STON2: variants seen among roughly 807,000 people sequenced by gnomAD.
STON2 encodes stonin 2.
A neutral mutation model predicts 65.7 loss-of-function variants in STON2; 29 were observed. That is an observed-to-expected ratio of 0.44 (90% confidence interval 0.33 to 0.60). The LOEUF (loss-of-function observed/expected upper bound fraction) is 0.60. Ranked by LOEUF, STON2 falls within the 20% of genes least tolerant of loss-of-function variation. The pLI is 0.03. For missense variants in STON2, 1,054 were observed against 1,118.1 expected, an observed-to-expected ratio of 0.94 and a Z score of 0.82; for synonymous variants, 404 against 414.2, an observed-to-expected ratio of 0.98 and a Z score of 0.30.
intron 5 of STON2, among the ~76,000 whole-genome samples, chr14:81,303,654 T>G (rs921598692): frequency 9.9e-5 from 15 of 152,206 alleles, no homozygotes; most frequent in Non-Finnish European, 2.1e-4. Flanking sequence ...AGTGAGCAGA[T>G]CAGGTACATG....
intron 2 of STON2, among the ~76,000 whole-genome samples, chr14:81,426,574 A>G (rs1901985334): frequency 6.6e-6 from 1 of 152,052 alleles, no homozygotes; most frequent in African/African-American, 2.4e-5. Context: ...CACTTAACGC[A>G]TCCAGATTTG....
chr14:81,339,730 AAC>A (rs1255793956), intron 4 of STON2, among the ~76,000 whole-genome samples: 1 of 152,242 alleles, frequency 6.6e-6, no homozygotes, highest in Non-Finnish European at 1.5e-5. Flanking sequence ...CTGCTCCTCA[AAC>A]ACTAAAAAGT....
At position 81,385,937 on chromosome 14, in the gene STON2, G is replaced by GC. The variant is rs1338108132; in HGVS notation, c.373+9956dup. Among the ~76,000 whole-genome samples, 16 of 152,040 alleles carry GC rather than the reference G, an allele frequency of 1.1e-4. No homozygotes were observed. The East Asian group carries it at 1.2e-3, about 11-fold the overall frequency. ...TAGAGAGTGGAGGTGGAGGGTTCTG[G>GC]CCCCCCGCTGCAGAGGCGATGCTTG... On this transcript the variant is annotated intron_variant, in intron 3 of 7. Transcript: ENST00000614646.
At chr14:81,423,795 G>A (rs1257418184) in intron 2 of STON2, among the ~76,000 whole-genome samples, 2 of 152,108 alleles carry the variant, frequency 1.3e-5, no homozygotes, top group Admixed American at 1.3e-4. Flanking sequence ...AGAAACCGAC[G>A]CATCCCAAGT....
chr14:81,272,351 G>C (rs1184737719), intron 6 of STON2, among the ~76,000 whole-genome samples: 9 of 152,364 alleles, frequency 5.9e-5, no homozygotes, highest in African/African-American at 2.2e-4. Context: ...GGGGTAGAGA[G>C]GGATTGAGCT....
At chr14:81,272,832 A>T (rs769510133) in intron 6 of STON2, among the ~76,000 whole-genome samples, 1 of 152,222 alleles carries the variant, frequency 6.6e-6, no homozygotes, top group African/African-American at 2.4e-5. Context: ...ATCTCATTTC[A>T]TTCTGAATGA....
At chr14:81,314,440 A>G (rs912387605) in intron 5 of STON2, among the ~76,000 whole-genome samples, 3 of 152,272 alleles carry the variant, frequency 2.0e-5, no homozygotes, top group Non-Finnish European at 4.4e-5. Context: ...GAAAGGCTCA[A>G]TATGTCCAGG....
In STON2 at chr14:81,267,531, T is replaced by C; in HGVS notation, c.*883A>G. 6 of 985,340 alleles carry C rather than the reference T, an allele frequency of 6.1e-6. No homozygotes were observed. The highest frequency in any genetic ancestry group is 7.2e-6 in the Non-Finnish European group (6 of 829,834). 61.0% of individuals were successfully genotyped at this position (985,340 alleles called of 1,614,324 possible). A position where few individuals can be genotyped will look rare whatever the true frequency, so the allele number is the denominator to read the frequency against. The stretch of plus-strand genomic sequence containing the variant: ...CCTTACAAATGCCTCAGGTATTATG[T>C]ATATTTGTTTCAGGAATCAGAAGTG... On this transcript the variant is annotated 3_prime_UTR_variant, in exon 8 of 8. Transcript: ENST00000614646.
chr14:81,413,007 T>G (rs181244174), intron 2 of STON2: 2 of 1,101,394 alleles, frequency 1.8e-6, no homozygotes, highest in Non-Finnish European at 2.7e-6. Flanking sequence ...AATGCGGACA[T>G]GTCGGAAGAG....
chr14:81,379,892 C>T (rs1899432003), intron 3 of STON2, among the ~76,000 whole-genome samples: 2 of 152,096 alleles, frequency 1.3e-5, no homozygotes, highest in African/African-American at 4.8e-5. Flanking sequence ...TATAAAAACC[C>T]TAGAAGAAAA....
In STON2 at chr14:81,275,118, G is replaced by A. The variant is rs532282671; in HGVS notation, c.2581+1783C>T. Among the ~76,000 whole-genome samples, 4 of 152,054 alleles carry A rather than the reference G, an allele frequency of 2.6e-5. No homozygotes were observed. In the East Asian group the frequency reaches 5.8e-4, roughly 22 times the overall value. On this transcript the variant is annotated intron_variant, in intron 6 of 7. Transcript: ENST00000614646. ...ATTTGTTTTGTTGCTTAGGGTAGCCGATAAGTCTTTGTTGCTTATAATAAT... is the reference window on the plus strand; with the variant it reads ...ATTTGTTTTGTTGCTTAGGGTAGCCAATAAGTCTTTGTTGCTTATAATAAT...
chr14:81,396,280 C>T (rs1439171596), intron 2 of STON2, 102 bp from the exon 3 acceptor site: 12 of 1,088,052 alleles, frequency 1.1e-5, no homozygotes, highest in Middle Eastern at 6.2e-4. Flanking sequence ...GCCCGCATGA[C>T]TCGCCACTGC....
intron 3 of STON2, among the ~76,000 whole-genome samples, chr14:81,378,515 C>A (rs999281526): frequency 2.0e-5 from 3 of 152,218 alleles, no homozygotes; most frequent in Non-Finnish European, 4.4e-5. Flanking sequence ...TGTGCCTGGC[C>A]TGATACTAGT....
intron 4 of STON2, among the ~76,000 whole-genome samples, chr14:81,362,398 C>G (rs1469529488): frequency 2.0e-5 from 3 of 152,034 alleles, no homozygotes; most frequent in Admixed American, 2.0e-4. Context: ...AAACAAGTAC[C>G]AAATATTCTC....
At chr14:81,410,058 CTCT>C (rs1157279590) in intron 2 of STON2, among the ~76,000 whole-genome samples, 1 of 152,012 alleles carries the variant, frequency 6.6e-6, no homozygotes, top group Admixed American at 6.5e-5. Flanking sequence ...TTCTTATTTT[CTCT>C]TTTTTCCCAA....
At chr14:81,413,290 A>ATTTTTG (rs2139867105) in intron 2 of STON2, 1 of 1,397,662 alleles carries the variant, frequency 7.2e-7, no homozygotes, top group East Asian at 3.0e-5. Context: ...CAAGGACTGC[A>ATTTTTG]GCCTAAATTC....
intron 3 of STON2, among the ~76,000 whole-genome samples, chr14:81,389,067 C>A (rs1899956710): frequency 6.6e-6 from 1 of 152,168 alleles, no homozygotes; most frequent in Admixed American, 6.5e-5. Context: ...AACATTTTTA[C>A]ATCTCTCCCA....
intron 4 of STON2, among the ~76,000 whole-genome samples, chr14:81,367,179 C>T (rs1195004884): frequency 6.6e-6 from 1 of 151,904 alleles, no homozygotes; most frequent in Non-Finnish European, 1.5e-5. Flanking sequence ...GCATTTTTTT[C>T]TTCCTTTTTT....
intron 3 of STON2, among the ~76,000 whole-genome samples, chr14:81,378,674 T>C (rs61986596): frequency 1.5e-3 from 224 of 152,380 alleles, no homozygotes; most frequent in Non-Finnish European, 2.5e-3. Flanking sequence ...ATATATATTA[T>C]AGCTATTCTG....
Sources: allele counts gnomAD v4.1 joint callset (sites outside exome capture counted in the v4.1 genomes callset), GRCh38; gene constraint gnomAD v4.1.1; transcripts MANE v1.5; gene names NCBI Gene and HGNC (gene_info 2026-07-23, HGNC 2026-07-21).